Variants in ZBTB20 observed in about 807,000 individuals in gnomAD.
ZBTB20 encodes zinc finger and BTB domain containing 20, also known as zinc finger and BTB domain-containing protein 20.
ZBTB20 carries 9 observed loss-of-function variants against 56.9 expected under a neutral mutation model. The observed-to-expected ratio is 0.16, with a 90% CI of 0.10 to 0.28. The LOEUF (loss-of-function observed/expected upper bound fraction) is 0.28, where lower values mean the gene tolerates loss of function less well. Among genes scored for constraint, ZBTB20 ranks in the 10% least tolerant of loss-of-function variants. ZBTB20 has a pLI of 1.00. For synonymous variants in ZBTB20, 417 were observed against 420.7 expected (o/e 0.99, Z 0.11); for missense variants, 655 against 1,003.0 (o/e 0.65, Z 4.69).
At chr3:114,989,399 A>G (rs2078699983) in intron 2 of ZBTB20, among the ~76,000 whole-genome samples, 1 of 152,180 alleles carries the variant, frequency 6.6e-6, no homozygotes, top group African/African-American at 2.4e-5. Flanking sequence ...TTTGTCAAAT[A>G]TCAGATGGTT....
intron 2 of ZBTB20, among the ~76,000 whole-genome samples, chr3:115,069,122 T>C (rs1436934014): frequency 6.6e-6 from 1 of 152,042 alleles, no homozygotes; most frequent in Non-Finnish European, 1.5e-5. Context: ...TTAATTCTCC[T>C]CCAAAAAAAG....
At chr3:114,742,508 T>C (rs1301728862) in intron 5 of ZBTB20, among the ~76,000 whole-genome samples, 1 of 152,190 alleles carries the variant, frequency 6.6e-6, no homozygotes, top group African/African-American at 2.4e-5. Context: ...CCAGGTACGA[T>C]GTCAAACATT....
chr3:115,006,231 A>G (rs1231208485), intron 2 of ZBTB20, among the ~76,000 whole-genome samples: 1 of 151,548 alleles, frequency 6.6e-6, no homozygotes, highest in Non-Finnish European at 1.5e-5. Context: ...CTTTATGTAC[A>G]ATGAACTAGT....
chr3:114,851,955 C>T lies in ZBTB20; in HGVS notation c.-417+48349G>A, dbSNP rs142213057. ...CAGGAGCTCTTATTTTTTGGAGATA[C>T]TATTTTTGTCTGAGATACGAGTTGC... On this transcript the variant is annotated intron_variant, in intron 4 of 11. Transcript: ENST00000675478. 1.2e-3 allele frequency among the ~76,000 whole-genome samples: 176 copies of T among 152,092 alleles called. 1 individual carries two copies. Among genetic ancestry groups the T allele is most frequent in the African/African-American group, 4.0e-3 (167 of 41,548 alleles).
chr3:114,441,265 A>T (rs1032745837), intron 7 of ZBTB20, among the ~76,000 whole-genome samples: 19 of 152,302 alleles, frequency 1.2e-4, no homozygotes, highest in Admixed American at 1.1e-3. Flanking sequence ...AATAGTTCTG[A>T]ATTTTCTGCC....
intron 6 of ZBTB20, among the ~76,000 whole-genome samples, chr3:114,651,639 T>C (rs1364207369): frequency 6.7e-6 from 1 of 150,178 alleles, no homozygotes; most frequent in African/African-American, 2.4e-5. Context: ...AACTTTGCAA[T>C]ATGCAACAAA....
rs80292301 is a variant in ZBTB20, at chr3:115,144,695, A to G, written c.-703+2524T>C. ...TATATGTGCATTTTCTTGGTTTTGT[A>G]GTAATCTTAAAACACGGGCCTAGAT... is the stretch of plus-strand genomic sequence containing the variant. On this transcript the variant is annotated intron_variant, in intron 1 of 11. Transcript: ENST00000675478. 2.3e-3 allele frequency: 355 copies of G among 152,312 alleles called. 2 individuals are homozygous for G. The highest frequency in any genetic ancestry group is 8.4e-3 in the African/African-American group (349 of 41,552). The allele number at this position is 152,312 out of a possible 1,614,324, so 9.4% of individuals were successfully genotyped here.
chr3:114,324,842 C>T lies in ZBTB20; in HGVS notation c.*14163G>A, dbSNP rs1242599433. 1 of 152,124 alleles carries T rather than the reference C, an allele frequency of 6.6e-6. No individual in the cohort carries two copies. The highest frequency in any genetic ancestry group is 2.4e-5 in the African/African-American group (1 of 41,454). 9.4% of individuals were successfully genotyped at this position (152,124 alleles called of 1,614,324 possible). ...TTTGATCATCCTCAGGAATCCGTTT[C>T]TTCAGTTTGTCTGGGTCTTCACCCT... On this transcript the variant is annotated 3_prime_UTR_variant, in exon 12 of 12. Coordinates refer to ENST00000675478, the MANE Select transcript of ZBTB20 (RefSeq NM_001348800.3).
At chr3:114,680,318 A>T (rs2061893037) in intron 6 of ZBTB20, among the ~76,000 whole-genome samples, 1 of 152,116 alleles carries the variant, frequency 6.6e-6, no homozygotes, top group Non-Finnish European at 1.5e-5. Flanking sequence ...GTGATAAAAT[A>T]AAAAAAAGAA....
intron 2 of ZBTB20, among the ~76,000 whole-genome samples, chr3:115,066,619 T>A (rs1328583547): frequency 6.6e-6 from 1 of 152,118 alleles, no homozygotes; most frequent in African/African-American, 2.4e-5. Flanking sequence ...TTTCCTCACT[T>A]AAAACCCTTC....
intron 5 of ZBTB20, among the ~76,000 whole-genome samples, chr3:114,737,986 T>C (rs1578618595): frequency 6.6e-6 from 1 of 152,142 alleles, no homozygotes; most frequent in Non-Finnish European, 1.5e-5. Flanking sequence ...GCTAATTAAG[T>C]GTTCTTGCTT....
intron 4 of ZBTB20, among the ~76,000 whole-genome samples, chr3:114,849,693 T>A (rs566679996): frequency 1.3e-5 from 2 of 152,284 alleles, no homozygotes; most frequent in African/African-American, 4.8e-5. Flanking sequence ...TATTATGGTT[T>A]TCAAAGAAAG....
chr3:115,055,369 A>G (rs920920129), intron 2 of ZBTB20, among the ~76,000 whole-genome samples: 6 of 152,094 alleles, frequency 3.9e-5, no homozygotes, highest in African/African-American at 1.4e-4. Context: ...ATTATTCTTT[A>G]GATGACCACT....
intron 1 of ZBTB20, among the ~76,000 whole-genome samples, chr3:115,137,579 G>C (rs1248243446): frequency 6.6e-6 from 1 of 151,986 alleles, no homozygotes; most frequent in Non-Finnish European, 1.5e-5. Context: ...AAAAGTTAAA[G>C]TACATAATAA....
chr3:115,046,775 C>T (rs1353929983), intron 2 of ZBTB20, among the ~76,000 whole-genome samples: 3 of 152,084 alleles, frequency 2.0e-5, no homozygotes, highest in Non-Finnish European at 2.9e-5. Context: ...TTCTCCATAC[C>T]GTCACAATGA....
rs1449829710 is a variant in ZBTB20 at position 114,726,507 on chromosome 3, C to T, written c.-342-32932G>A. 2.6e-5 allele frequency among the ~76,000 whole-genome samples: 4 copies of T among 152,132 alleles called. No homozygotes were observed. The East Asian group carries it at 5.8e-4, about 22-fold the overall frequency. On this transcript the variant is annotated intron_variant, in intron 5 of 11. Coordinates refer to ENST00000675478, the MANE Select transcript of ZBTB20 (RefSeq NM_001348800.3). ...TTCAAATACAAATTGCTGTGTTCCA[C>T]CTCAAAGTTTCTTATTCAGTAGGGG...
At chr3:114,648,087 G>A (rs1253362958) in intron 6 of ZBTB20, among the ~76,000 whole-genome samples, 1 of 151,840 alleles carries the variant, frequency 6.6e-6, no homozygotes, top group Non-Finnish European at 1.5e-5. Flanking sequence ...GTTTTGACTA[G>A]TTGATTTTAC....
intron 3 of ZBTB20, among the ~76,000 whole-genome samples, chr3:114,966,630 A>T (rs2077658548): frequency 6.6e-6 from 1 of 152,058 alleles, no homozygotes; most frequent in Non-Finnish European, 1.5e-5. Context: ...TCAAGACTGA[A>T]TCTCAAATCC....
intron 4 of ZBTB20, among the ~76,000 whole-genome samples, chr3:114,804,119 C>G (rs940141190): frequency 6.6e-6 from 1 of 151,962 alleles, no homozygotes; most frequent in African/African-American, 2.4e-5. Flanking sequence ...GTACATTCTG[C>G]ACTCCTTAAA....
Sources: allele counts gnomAD v4.1 joint callset (sites outside exome capture counted in the v4.1 genomes callset), GRCh38; gene constraint gnomAD v4.1.1; transcripts MANE v1.5; gene names NCBI Gene and HGNC (gene_info 2026-07-23, HGNC 2026-07-21).